ATP2C2: variants seen among roughly 807,000 people sequenced by gnomAD.
ATP2C2 encodes calcium-transporting ATPase type 2C member 2.
ATP2C2 carries 171 observed loss-of-function variants against 110.8 expected under a neutral mutation model. The observed-to-expected ratio is 1.54, with a 90% CI of 1.36 to 1.75. The LOEUF is 1.75. ATP2C2 is among the 40% of genes most tolerant of loss of function. The probability of loss-of-function intolerance (pLI) is 0.00; values close to 1 mark genes in which losing one functional copy is unlikely to be tolerated. For missense variants in ATP2C2, 1,963 were observed against 1,235.0 expected, an observed-to-expected ratio of 1.59 and a Z score of -8.84; for synonymous variants, 804 against 508.4, an observed-to-expected ratio of 1.58 and a Z score of -7.82.
At chr16:84,409,559 G>C (rs1906085903) in intron 4 of ATP2C2, among the ~76,000 whole-genome samples, 1 of 152,070 alleles carries the variant, frequency 6.6e-6, no homozygotes, top group Non-Finnish European at 1.5e-5. Flanking sequence ...GTCCAGGCTG[G>C]ACAGCAGTGC....
chr16:84,380,257 T>A (rs1348514265), intron 1 of ATP2C2, among the ~76,000 whole-genome samples: 2 of 152,204 alleles, frequency 1.3e-5, no homozygotes. Context: ...CATATTGAAA[T>A]TTGAGTGACA....
intron 1 of ATP2C2, among the ~76,000 whole-genome samples, chr16:84,384,536 G>T (rs1391949824): frequency 1.3e-5 from 2 of 152,142 alleles, no homozygotes; most frequent in South Asian, 2.1e-4. Context: ...CGTCTGCCAG[G>T]TTTCCCTTAA....
chr16:84,455,510 C>T (rs922106634), intron 21 of ATP2C2, among the ~76,000 whole-genome samples: 3 of 152,172 alleles, frequency 2.0e-5, no homozygotes, highest in African/African-American at 7.2e-5. Context: ...GGGGCTTGCA[C>T]AAAACTATTT....
At chr16:84,447,204 C>A (rs991852918) in intron 16 of ATP2C2, among the ~76,000 whole-genome samples, 1 of 152,168 alleles carries the variant, frequency 6.6e-6, no homozygotes, top group Admixed American at 6.5e-5. Context: ...TGCTCAGCTC[C>A]CACTCAGGGC....
chr16:84,393,921 C>T (rs1251989360), intron 1 of ATP2C2, among the ~76,000 whole-genome samples: 4 of 151,132 alleles, frequency 2.6e-5, no homozygotes, highest in South Asian at 2.1e-4. Flanking sequence ...TGTAGGGGGC[C>T]GAGGCAGGTG....
At chr16:84,401,741 T>G (rs1905336964) in intron 2 of ATP2C2, among the ~76,000 whole-genome samples, 1 of 152,226 alleles carries the variant, frequency 6.6e-6, no homozygotes, top group Non-Finnish European at 1.5e-5. Context: ...AGCTCTGCAG[T>G]ATAATTTAAA....
intron 7 of ATP2C2, among the ~76,000 whole-genome samples, chr16:84,420,280 G>A (rs575665284): frequency 1.8e-4 from 28 of 151,996 alleles, no homozygotes; most frequent in Admixed American, 7.2e-4. Flanking sequence ...CATTCACTGC[G>A]GTATTCCCAG....
chr16:84,416,327 G>C (rs1906830730), intron 7 of ATP2C2, among the ~76,000 whole-genome samples: 1 of 152,190 alleles, frequency 6.6e-6, no homozygotes, highest in African/African-American at 2.4e-5. Context: ...TTTGTTGATG[G>C]GAGTAATCTA....
chr16:84,417,403 G>T (rs1906936387), intron 7 of ATP2C2, among the ~76,000 whole-genome samples: 6 of 152,334 alleles, frequency 3.9e-5, no homozygotes, highest in South Asian at 2.1e-4. Flanking sequence ...CAGGGTTATT[G>T]TGAAGATGAA....
At chr16:84,403,506 C>G (rs988076256) in intron 2 of ATP2C2, among the ~76,000 whole-genome samples, 1 of 151,946 alleles carries the variant, frequency 6.6e-6, no homozygotes, top group Non-Finnish European at 1.5e-5. Flanking sequence ...CAAGATCATG[C>G]TATATTGCCC....
intron 11 of ATP2C2, among the ~76,000 whole-genome samples, chr16:84,428,360 G>T (rs1907970404): frequency 6.6e-6 from 1 of 152,220 alleles, no homozygotes; most frequent in Non-Finnish European, 1.5e-5. Flanking sequence ...ACACTGCATG[G>T]TGTGCATTAA....
intron 1 of ATP2C2, among the ~76,000 whole-genome samples, chr16:84,395,873 A>G (rs1214039803): frequency 6.6e-6 from 1 of 152,156 alleles, no homozygotes; most frequent in Non-Finnish European, 1.5e-5. Context: ...TTTTAAGGGT[A>G]TGGCTCTCTG....
rs1204621750 is a variant in ATP2C2 at position 84,448,600 on chromosome 16, A to G, written c.1571A>G (p.Asn524Ser). The part of the protein sequence containing the change: ...EEVIRYCTMY[N>S]NGGIPLPLTP... ...GTGATCCGCTACTGCACCATGTACA[A>G]CAACGGGGGCATCCCCCTGCCGCTG... Residue 524 changes from asparagine (N) to serine (S), a missense_variant, in exon 17 of 27, where the codon AAC (asparagine) becomes AGC (serine). By Grantham distance (46) the Asn-to-Ser change is conservative. Coordinates refer to ENST00000262429, the MANE Select transcript of ATP2C2 (RefSeq NM_014861.4). The G allele has an allele frequency of 3.1e-6, 5 of 1,614,036 alleles. No homozygotes were observed. The African/African-American group carries it at 4.0e-5, about 13-fold the overall frequency.
At position 84,415,475 on chromosome 16, in the gene ATP2C2, A is replaced by G. The variant is rs370237612; in HGVS notation, c.516-8A>G. ...GGATGCTTTTGCTTTTTACCATGTCAAATGCAGCCTAAGAGAAGGAAAACT... is the reference window on the plus strand; with the variant it reads ...GGATGCTTTTGCTTTTTACCATGTCGAATGCAGCCTAAGAGAAGGAAAACT... On this transcript the variant is annotated splice_region_variant and splice_polypyrimidine_tract_variant and intron_variant, in intron 6 of 26. Coordinates refer to ENST00000262429, the MANE Select transcript of ATP2C2 (RefSeq NM_014861.4). The G allele has an allele frequency of 1.9e-6, 3 of 1,613,586 alleles. No individual in the cohort carries two copies. The highest frequency in any genetic ancestry group is 1.7e-6 in the Non-Finnish European group (2 of 1,179,504).
chr16:84,385,101 G>A (rs910082635), intron 1 of ATP2C2, among the ~76,000 whole-genome samples: 13 of 152,140 alleles, frequency 8.5e-5, no homozygotes, highest in African/African-American at 3.1e-4. Context: ...GATTTATAGG[G>A]AAAAGAGGTT....
intron 11 of ATP2C2, among the ~76,000 whole-genome samples, chr16:84,429,254 C>A (rs1175225745): frequency 6.6e-6 from 1 of 152,176 alleles, no homozygotes; most frequent in South Asian, 2.1e-4. Context: ...CAGGTTCATG[C>A]AATTCTCCTG....
At chr16:84,373,736 C>G (rs889699644) in intron 1 of ATP2C2, among the ~76,000 whole-genome samples, 2 of 152,114 alleles carry the variant, frequency 1.3e-5, no homozygotes, top group African/African-American at 4.8e-5. Context: ...TCAATGACGT[C>G]ATTCACGTTA....
intron 6 of ATP2C2, among the ~76,000 whole-genome samples, 183 bp from the exon 7 acceptor site, chr16:84,415,300 C>T (rs1212640405): frequency 6.6e-6 from 1 of 152,134 alleles, no homozygotes; most frequent in African/African-American, 2.4e-5. Flanking sequence ...GCCCAGAAAC[C>T]ACATACTTTC....
At chr16:84,390,200 T>C (rs187966830) in intron 1 of ATP2C2, among the ~76,000 whole-genome samples, 81 of 152,332 alleles carry the variant, frequency 5.3e-4, no homozygotes. Flanking sequence ...GCAGTCCAAG[T>C]TCGCAATGAA....
Sources: allele counts gnomAD v4.1 joint callset (sites outside exome capture counted in the v4.1 genomes callset), GRCh38; gene constraint gnomAD v4.1.1; transcripts MANE v1.5; gene names NCBI Gene and HGNC (gene_info 2026-07-23, HGNC 2026-07-21).